The following SFSWAP variants were observed in gnomAD, a reference collection of about 807,000 sequenced individuals.
SFSWAP encodes the protein splicing factor SWAP, also known as splicing factor, suppressor of white-apricot homolog.
In SFSWAP, 17 loss-of-function variants were observed where a neutral mutation model predicts 100.7. The observed-to-expected ratio is 0.17, with a 90% CI of 0.12 to 0.25. SFSWAP has a LOEUF of 0.25. SFSWAP is among the 10% of genes least tolerant of loss of function. SFSWAP has a pLI of 1.00. For missense variants in SFSWAP, 1,005 were observed against 1,262.6 expected (o/e 0.80, Z 3.09); for synonymous variants, 504 against 510.1 (o/e 0.99, Z 0.16).
chr12:131,718,707 T>A (rs1878164430), intron 3 of SFSWAP, among the ~76,000 whole-genome samples: 1 of 152,184 alleles, frequency 6.6e-6, no homozygotes, highest in Non-Finnish European at 1.5e-5. Context: ...TGTCATGCTG[T>A]CAGGAATCCA....
rs372745132 is a variant in SFSWAP at position 131,711,466 on chromosome 12, C to G, written c.218+19C>G. On this transcript the variant is annotated intron_variant, in intron 1 of 17. Transcript: ENST00000261674. The surrounding 1 kb of genome is among the most constrained non-coding windows in gnomAD (Gnocchi z 4.9). Reference sequence around the variant, plus strand: ...TCGACAGGTCGGTTCCTCTCCCCACCCGTCGATCCTTCCCTTCCCTCACCC... The same window carrying G: ...TCGACAGGTCGGTTCCTCTCCCCACGCGTCGATCCTTCCCTTCCCTCACCC... The G allele has an allele frequency of 6.9e-6, 11 of 1,584,260 alleles. No homozygotes were observed. The highest frequency in any genetic ancestry group is 1.3e-5 in the African/African-American group (1 of 74,450).
At chr12:131,728,563 G>A (rs11246775) in intron 7 of SFSWAP, 135 bp downstream of exon 7, 31,194 of 928,580 alleles carry the variant, frequency 0.034, 2,253 homozygotes, top group East Asian at 0.28. Flanking sequence ...GCCTGCACAT[G>A]GTCCCAAGGG....
rs983058681 is a variant in SFSWAP, at chr12:131,715,682, C to T, written c.520+729C>T. ...TAACATGAACCTGACACCTTAAAGA[C>T]GGGTCAGTATATTCAGGATATTCTG... On this transcript the variant is annotated intron_variant, in intron 3 of 17. Coordinates refer to ENST00000261674, the MANE Select transcript of SFSWAP (RefSeq NM_004592.4). Among the ~76,000 whole-genome samples, 19 of 152,208 alleles carry T rather than the reference C, an allele frequency of 1.2e-4. No homozygotes were observed. The South Asian group carries it at 1.7e-3, about 13-fold the overall frequency.
chr12:131,738,278 A>G lies in SFSWAP; in HGVS notation c.1081+9850A>G, dbSNP rs180809848. On this transcript the variant is annotated intron_variant, in intron 7 of 17. Transcript: ENST00000261674. The stretch of plus-strand genomic sequence containing the variant: ...TTAAAAATGGTTTTATTGTATGTCA[A>G]GAGAAGAAGGAAGAAAGCAAAAATG... Among the ~76,000 whole-genome samples, 37 of 152,342 alleles carry G rather than the reference A, an allele frequency of 2.4e-4. No homozygotes were observed. The East Asian group carries it at 6.7e-3, about 28-fold the overall frequency.
chr12:131,774,104 G>A (rs1291515081), intron 13 of SFSWAP, among the ~76,000 whole-genome samples: 3 of 152,162 alleles, frequency 2.0e-5, no homozygotes, highest in Non-Finnish European at 2.9e-5. Flanking sequence ...CCGCATTTCC[G>A]CTGAGACAGT....
intron 13 of SFSWAP, among the ~76,000 whole-genome samples, chr12:131,772,567 G>T (rs1883703633): frequency 6.6e-6 from 1 of 152,224 alleles, no homozygotes; most frequent in African/African-American, 2.4e-5. Context: ...GAACGGACAG[G>T]TGCGGGAACC....
chr12:131,795,992 G>A (rs1275196420), intron 15 of SFSWAP: 3 of 72,924 alleles, frequency 4.1e-5, no homozygotes, highest in Non-Finnish European at 8.6e-5. Flanking sequence ...GGAGGGGAGG[G>A]GAGAGGGGGA....
At chr12:131,722,441 T>C (rs1878562137) in intron 4 of SFSWAP, among the ~76,000 whole-genome samples, 1 of 152,070 alleles carries the variant, frequency 6.6e-6, no homozygotes, top group Non-Finnish European at 1.5e-5. Context: ...CACGTGCCTG[T>C]AGTCCCAGAC....
chr12:131,711,741 C>T lies in SFSWAP; in HGVS notation c.218+294C>T, dbSNP rs1036232503. 10 of 391,598 alleles carry T rather than the reference C, an allele frequency of 2.6e-5. No individual in the cohort carries two copies. Among genetic ancestry groups the T allele is most frequent in the African/African-American group, 1.6e-4 (8 of 48,742 alleles). The allele number at this position is 391,598 out of a possible 1,614,324, so 24.3% of individuals were successfully genotyped here. On this transcript the variant is annotated intron_variant, in intron 1 of 17. Coordinates refer to ENST00000261674, the MANE Select transcript of SFSWAP (RefSeq NM_004592.4). This position sits in a 1 kb window ranked among gnomAD's most constrained non-coding sequence, Gnocchi z 4.9. ...TGTCGCTGGGCTGCAGTTGGCGATT[C>T]CGCGCGGTGAAAGCAGCCAGTGCCC...
At chr12:131,781,524 A>C (rs895294160) in intron 14 of SFSWAP, among the ~76,000 whole-genome samples, 10 of 152,180 alleles carry the variant, frequency 6.6e-5, no homozygotes, top group Non-Finnish European at 1.2e-4. Flanking sequence ...GGCGTGAGCC[A>C]CCGCGCCCGG....
chr12:131,764,568 A>G lies in SFSWAP; in HGVS notation c.1833A>G (p.Lys611=). 1 of 1,614,244 alleles carries G rather than the reference A, an allele frequency of 6.2e-7. No homozygotes were observed. Residue 611 remains lysine (K), a synonymous_variant, in exon 12 of 18, where the codon AAA becomes AAG. Coordinates refer to ENST00000261674, the MANE Select transcript of SFSWAP (RefSeq NM_004592.4). ...DDDSDDDEES[K]EGQESSSSAA... is the part of the protein sequence containing the mutation. ...ACAGTGATGATGATGAAGAAAGCAAAGAAGGCCAAGAAAGTTCTAGTAGTG... is the reference window on the plus strand; with the variant it reads ...ACAGTGATGATGATGAAGAAAGCAAGGAAGGCCAAGAAAGTTCTAGTAGTG...
chr12:131,756,908 A>G (rs1882227908), intron 11 of SFSWAP: 5 of 380,124 alleles, frequency 1.3e-5, no homozygotes, highest in East Asian at 4.5e-5. Context: ...TTGTACAGAA[A>G]GTTTCAAATA....
Position 131,733,977 on chromosome 12 carries a change from C to T in SFSWAP, c.1081+5549C>T, listed in dbSNP as rs1879758602. On this transcript the variant is annotated intron_variant, in intron 7 of 17. Transcript: ENST00000261674. This position sits in a 1 kb window ranked among gnomAD's most constrained non-coding sequence, Gnocchi z 5.1. ...GAGCCCACCCTGGGGCAGGGTGACA[C>T]ATGGGAGCAGGTCAGTGCCCTGTGT... Among the ~76,000 whole-genome samples the T allele has an allele frequency of 6.6e-6, 1 of 152,232 alleles. No homozygotes were observed. The highest frequency in any genetic ancestry group is 2.1e-4 in the South Asian group (1 of 4,836).
rs750803158 is a variant in SFSWAP, at chr12:131,756,566, G to A, written c.1642G>A (p.Val548Met). ...EDGAPEDAAEVGARAGSGGKK... is the reference protein window; with the variant it reads ...EDGAPEDAAEMGARAGSGGKK... ...TGGCGCGCCTGAAGACGCAGCCGAG[G>A]TGGGAGCACGGGCAGGCTCAGGCGG... The change falls in exon 11 of 18, where the codon GTG becomes ATG. Residue 548 changes from valine (V) to methionine (M), a missense_variant. Coordinates refer to ENST00000261674, the MANE Select transcript of SFSWAP (RefSeq NM_004592.4). The A allele has an allele frequency of 4.0e-5, 65 of 1,613,874 alleles. No homozygotes were observed. The Admixed American group carries it at 9.3e-4, about 23-fold the overall frequency.
chr12:131,789,924 C>G (rs997827680), intron 15 of SFSWAP, among the ~76,000 whole-genome samples: 1 of 152,210 alleles, frequency 6.6e-6, no homozygotes, highest in Non-Finnish European at 1.5e-5. Flanking sequence ...TCTGCCCCTT[C>G]GTCTCCCCAC....
At position 131,754,512 on chromosome 12, in the gene SFSWAP, A is replaced by G. The variant is rs1881966800; in HGVS notation, c.1454+13A>G. 4 of 1,552,498 alleles carry G rather than the reference A, an allele frequency of 2.6e-6. No homozygotes were observed. The highest frequency in any genetic ancestry group is 1.2e-5 in the South Asian group (1 of 82,952). The stretch of plus-strand genomic sequence containing the variant: ...AGAATGATCAAAGGTCAGAAGAAGA[A>G]TTTTATATGTTAGGTATATGGCATT... On this transcript the variant is annotated intron_variant, in intron 9 of 17. Coordinates refer to ENST00000261674, the MANE Select transcript of SFSWAP (RefSeq NM_004592.4).
At chr12:131,786,653 T>G (rs905930565) in intron 15 of SFSWAP, 65 bp downstream of exon 15, 24 of 1,514,156 alleles carry the variant, frequency 1.6e-5, no homozygotes, top group Non-Finnish European at 8.9e-7. Flanking sequence ...GGAAAGGGCG[T>G]CTGAAGGTCG....
intron 7 of SFSWAP, among the ~76,000 whole-genome samples, chr12:131,731,455 G>A (rs1445823033): frequency 6.6e-6 from 1 of 152,234 alleles, no homozygotes; most frequent in East Asian, 1.9e-4. Context: ...CAGTGAAGTT[G>A]TTGCAGAATT....
chr12:131,719,432 T>G, intron 3 of SFSWAP, 22 bp from the exon 4 acceptor site: 1 of 1,605,094 alleles, frequency 6.2e-7, no homozygotes, highest in Non-Finnish European at 8.5e-7. Context: ...GTTCTGAATT[T>G]TTTAATTTTC....
Sources: allele counts gnomAD v4.1 joint callset (sites outside exome capture counted in the v4.1 genomes callset), GRCh38; gene constraint gnomAD v4.1.1; non-coding constraint Gnocchi (gnomAD v3.1); transcripts MANE v1.5; gene names NCBI Gene and HGNC (gene_info 2026-07-23, HGNC 2026-07-21).